DNAJC5: variants seen among roughly 807,000 people sequenced by gnomAD.
The protein encoded by DNAJC5 is dnaJ homolog subfamily C member 5.
DNAJC5 carries 1 observed loss-of-function variant against 23.2 expected under a neutral mutation model. The observed-to-expected ratio is 0.04, with a 90% CI of 0.02 to 0.20. The LOEUF (loss-of-function observed/expected upper bound fraction) is 0.20. Ranked by LOEUF, DNAJC5 falls within the 10% of genes least tolerant of loss-of-function variation. The probability of loss-of-function intolerance (pLI) is 1.00; values close to 1 mark genes in which losing one functional copy is unlikely to be tolerated. For missense variants in DNAJC5, 180 were observed against 267.0 expected, an observed-to-expected ratio of 0.67 and a Z score of 2.27; for synonymous variants, 136 against 120.0, an observed-to-expected ratio of 1.13 and a Z score of -0.87.
In DNAJC5 at chr20:63,931,493, G is replaced by A; in HGVS notation, c.522G>A (p.Gln174=). 1 of 1,575,834 alleles carries A rather than the reference G, an allele frequency of 6.3e-7. No individual in the cohort carries two copies. Among genetic ancestry groups the A allele is most frequent in the Non-Finnish European group, 8.6e-7 (1 of 1,166,354 alleles). ...CCACAGACACGCCGATCGTCATACA[G>A]CCGGCATCCGCCACCGAGACCACCC... ...REATDTPIVI[Q]PASATETTQL... The change falls in exon 5 of 5, where the codon CAG becomes CAA. Residue 174 remains glutamine (Q), a synonymous_variant. Coordinates refer to ENST00000360864, the MANE Select transcript of DNAJC5 (RefSeq NM_025219.3). The surrounding 1 kb of genome is among the most constrained non-coding windows in gnomAD (Gnocchi z 9.6).
chr20:63,896,101 T>A (rs1163377926), intron 1 of DNAJC5, among the ~76,000 whole-genome samples: 1 of 152,234 alleles, frequency 6.6e-6, no homozygotes. Flanking sequence ...GAAGATTTGA[T>A]GGTGGTTAGA....
At position 63,932,304 on chromosome 20, in the gene DNAJC5, G is replaced by A. The variant is rs552739074; in HGVS notation, c.*736G>A. On this transcript the variant is annotated 3_prime_UTR_variant, in exon 5 of 5. Transcript: ENST00000360864. This position sits in a 1 kb window ranked among gnomAD's most constrained non-coding sequence, Gnocchi z 4.4. ...GTGTTTCTCGCCTGGTCGTCTCGTC[G>A]TGTGGACGCTGCCGTTCTGGTTCTC... 113 of 152,718 alleles carry A rather than the reference G, an allele frequency of 7.4e-4. No individual in the cohort carries two copies. Among genetic ancestry groups the A allele is most frequent in the Non-Finnish European group, 1.2e-3 (81 of 68,258 alleles). The allele number at this position is 152,718 out of a possible 1,614,324, so 9.5% of individuals were successfully genotyped here. A position where few individuals can be genotyped will look rare whatever the true frequency, so the allele number is the denominator to read the frequency against.
chr20:63,903,457 G>A (rs1421193626), intron 1 of DNAJC5, among the ~76,000 whole-genome samples: 4 of 152,056 alleles, frequency 2.6e-5, no homozygotes, highest in Admixed American at 6.6e-5. Context: ...ACAGGCATGC[G>A]CCACTACGCC....
rs1373018594 is a variant in DNAJC5, at chr20:63,920,617, C to G, written c.-11-7718C>G. On this transcript the variant is annotated intron_variant, in intron 1 of 4. Coordinates refer to ENST00000360864, the MANE Select transcript of DNAJC5 (RefSeq NM_025219.3). The surrounding 1 kb of genome is among the most constrained non-coding windows in gnomAD (Gnocchi z 4.6). Reference sequence around the variant, plus strand: ...CTGGGGCTGCTGCCAGCAGAACGGACTGGGATACGCTGGATTTGTAAAACG... The same window carrying G: ...CTGGGGCTGCTGCCAGCAGAACGGAGTGGGATACGCTGGATTTGTAAAACG... Among the ~76,000 whole-genome samples the G allele has an allele frequency of 6.6e-6, 1 of 152,238 alleles. No individual in the cohort carries two copies. The highest frequency in any genetic ancestry group is 1.5e-5 in the Non-Finnish European group (1 of 68,040).
At position 63,928,082 on chromosome 20, in the gene DNAJC5, T is replaced by C. The variant is rs1431532414; in HGVS notation, c.-11-253T>C. On this transcript the variant is annotated intron_variant, in intron 1 of 4. Coordinates refer to ENST00000360864, the MANE Select transcript of DNAJC5 (RefSeq NM_025219.3). This position sits in a 1 kb window ranked among gnomAD's most constrained non-coding sequence, Gnocchi z 4.6. ...CTCCCGCCTCAGCCTCCCAAAATGC[T>C]GGGACTACAGGTGTGAGCCCCTGTG... Among the ~76,000 whole-genome samples, 1 of 152,176 alleles carries C rather than the reference T, an allele frequency of 6.6e-6. No homozygotes were observed. Among genetic ancestry groups the C allele is most frequent in the Non-Finnish European group, 1.5e-5 (1 of 68,028 alleles).
chr20:63,896,428 T>C (rs1197854835), intron 1 of DNAJC5, among the ~76,000 whole-genome samples: 1 of 152,186 alleles, frequency 6.6e-6, no homozygotes, highest in Non-Finnish European at 1.5e-5. Context: ...AGCAGAGAGC[T>C]GTAGGGGCCC....
At chr20:63,921,491 T>C (rs1270438922) in intron 1 of DNAJC5, among the ~76,000 whole-genome samples, 1 of 150,776 alleles carries the variant, frequency 6.6e-6, no homozygotes, top group African/African-American at 2.4e-5. Flanking sequence ...CTCAGGAGGC[T>C]GAGGCAGAAG....
At chr20:63,914,118 G>A (rs971949722) in intron 1 of DNAJC5, among the ~76,000 whole-genome samples, 1 of 152,274 alleles carries the variant, frequency 6.6e-6, no homozygotes, top group African/African-American at 2.4e-5. Flanking sequence ...CAGCCCTGAC[G>A]CCTGCTTCTG....
intron 1 of DNAJC5, among the ~76,000 whole-genome samples, chr20:63,907,132 A>G (rs2053453195): frequency 1.3e-5 from 2 of 152,190 alleles, no homozygotes; most frequent in South Asian, 2.1e-4. Context: ...TCCATATAGT[A>G]CCTTATTCAG....
chr20:63,924,435 A>G (rs890084771), intron 1 of DNAJC5, among the ~76,000 whole-genome samples: 2 of 152,160 alleles, frequency 1.3e-5, no homozygotes, highest in Middle Eastern at 6.3e-3. Flanking sequence ...CACCCAGGCT[A>G]CAGTGTGGTG....
intron 1 of DNAJC5, among the ~76,000 whole-genome samples, chr20:63,917,155 A>G (rs1025116305): frequency 6.6e-6 from 1 of 152,244 alleles, no homozygotes; most frequent in Admixed American, 6.5e-5. Context: ...TGTCCATGAA[A>G]TCTTCACAAT....
chr20:63,920,657 T>G lies in DNAJC5; in HGVS notation c.-11-7678T>G, dbSNP rs1002180702. On this transcript the variant is annotated intron_variant, in intron 1 of 4. Coordinates refer to ENST00000360864, the MANE Select transcript of DNAJC5 (RefSeq NM_025219.3). The surrounding 1 kb of genome is among the most constrained non-coding windows in gnomAD (Gnocchi z 4.6). ...TTTGTAAAACGTGACCCTTTTTGTT[T>G]GCTTTTAATTTTTAATTTTTATTTA... Among the ~76,000 whole-genome samples, 1 of 152,216 alleles carries G rather than the reference T, an allele frequency of 6.6e-6. No individual in the cohort carries two copies. Among genetic ancestry groups the G allele is most frequent in the African/African-American group, 2.4e-5 (1 of 41,458 alleles).
At chr20:63,896,572 T>C (rs935258463) in intron 1 of DNAJC5, among the ~76,000 whole-genome samples, 1 of 152,164 alleles carries the variant, frequency 6.6e-6, no homozygotes, top group Non-Finnish European at 1.5e-5. Flanking sequence ...GCCTCCTTGC[T>C]AGTTCTGAAC....
Position 63,929,392 on chromosome 20 carries a change from C to T in DNAJC5, c.188C>T (p.Ala63Val), listed in dbSNP as rs139312819. The change falls in exon 3 of 5, where the codon GCG becomes GTG. Residue 63 changes from alanine (A) to valine (V), a missense_variant. Physicochemically the swap from Ala to Val is moderately conservative, Grantham distance 64. This residue lies in a region of DNAJC5 where 77 missense variants were observed against 106.8 expected (regional missense o/e 0.72). Coordinates refer to ENST00000360864, the MANE Select transcript of DNAJC5 (RefSeq NM_025219.3). The surrounding 1 kb of genome is among the most constrained non-coding windows in gnomAD (Gnocchi z 8.6). ...AADKFKEINN[A>V]HAILTDATKR... is the part of the protein sequence containing the mutation. Reference sequence around the variant, plus strand: ...GACAAGTTTAAGGAGATCAACAACGCGCACGCCATCCTCACGGACGCCACA... The same window carrying T: ...GACAAGTTTAAGGAGATCAACAACGTGCACGCCATCCTCACGGACGCCACA... The T allele has an allele frequency of 1.3e-4, 209 of 1,614,034 alleles. No homozygotes were observed. Among genetic ancestry groups the T allele is most frequent in the Non-Finnish European group, 1.6e-4 (193 of 1,180,044 alleles).
intron 1 of DNAJC5, among the ~76,000 whole-genome samples, chr20:63,905,093 C>A (rs1206595614): frequency 6.8e-6 from 1 of 147,738 alleles, no homozygotes. Flanking sequence ...GGTGAGCCAC[C>A]GTGCCTGGCT....
intron 1 of DNAJC5, among the ~76,000 whole-genome samples, chr20:63,909,568 C>T (rs1207532238): frequency 2.0e-5 from 3 of 152,062 alleles, no homozygotes; most frequent in Non-Finnish European, 4.4e-5. Flanking sequence ...GTAGTCCCAG[C>T]TACTCTGGAG....
rs201495666 is a variant in DNAJC5 at position 63,929,432 on chromosome 20, C to T, written c.228C>T (p.Tyr76=). Residue 76 remains tyrosine, a synonymous_variant, in exon 3 of 5, where the codon TAC becomes TAT. Coordinates refer to ENST00000360864, the MANE Select transcript of DNAJC5 (RefSeq NM_025219.3). The surrounding 1 kb of genome is among the most constrained non-coding windows in gnomAD (Gnocchi z 8.6). The stretch of plus-strand genomic sequence containing the variant: ...CGGACGCCACAAAAAGGAACATCTA[C>T]GACAAGTACGGCTCGCTGGGTCTCT... ...ILTDATKRNI[Y]DKYGSLGLYV... is the part of the protein sequence containing the mutation. 1.8e-4 allele frequency: 294 copies of T among 1,614,222 alleles called. No individual in the cohort carries two copies. The highest frequency in any genetic ancestry group is 1.7e-3 in the Admixed American group (104 of 60,024).
At chr20:63,917,581 A>G (rs2146287370) in intron 1 of DNAJC5, among the ~76,000 whole-genome samples, 1 of 148,600 alleles carries the variant, frequency 6.7e-6, no homozygotes, top group South Asian at 2.1e-4. Flanking sequence ...TTTGAGATGG[A>G]GTCTTGCTCT....
intron 1 of DNAJC5, among the ~76,000 whole-genome samples, chr20:63,908,538 A>C (rs2053461870): frequency 6.6e-6 from 1 of 152,194 alleles, no homozygotes; most frequent in Admixed American, 6.5e-5. Flanking sequence ...GAACAGGGCA[A>C]AGGTCACTAA....
Sources: allele counts gnomAD v4.1 joint callset (sites outside exome capture counted in the v4.1 genomes callset), GRCh38; gene constraint gnomAD v4.1.1; regional missense constraint gnomAD v4.1.1; non-coding constraint Gnocchi (gnomAD v3.1); transcripts MANE v1.5; gene names NCBI Gene and HGNC (gene_info 2026-07-23, HGNC 2026-07-21).